SMARCC1: variants seen among roughly 807,000 people sequenced by gnomAD.
SMARCC1 encodes SWI/SNF complex subunit SMARCC1.
Under a neutral mutation model 147.4 loss-of-function variants are expected in SMARCC1, and 43 were observed. The observed-to-expected ratio is 0.29, with a 90% CI of 0.23 to 0.38. SMARCC1 has a LOEUF of 0.38. Ranked by LOEUF, SMARCC1 falls within the 10% of genes least tolerant of loss-of-function variation. SMARCC1 has a pLI of 1.00. For missense variants in SMARCC1, 1,119 were observed against 1,381.1 expected, an observed-to-expected ratio of 0.81 and a Z score of 3.01; for synonymous variants, 495 against 484.4, an observed-to-expected ratio of 1.02 and a Z score of -0.29.
rs780131969 is a variant in SMARCC1 at position 47,720,719 on chromosome 3, C to T, written c.663G>A (p.Pro221=). 5.0e-6 allele frequency: 8 copies of T among 1,610,956 alleles called. No homozygotes were observed. The highest frequency in any genetic ancestry group is 3.3e-5 in the South Asian group (3 of 90,648). Residue 221 remains proline (P), a synonymous_variant, in exon 7 of 28, where the codon CCG becomes CCA. Transcript: ENST00000254480. Reference sequence around the variant, plus strand: ...ACACTTGCTTCTCTTTTCTCATCACCGGTCTCAACCATTCTTCTGGAAGAG... The same window carrying T: ...ACACTTGCTTCTCTTTTCTCATCACTGGTCTCAACCATTCTTCTGGAAGAG... ...SSQDDEEWLR[P]VMRKEKQVLV... is the part of the protein sequence containing the mutation.
chr3:47,726,083 G>GAAAAAAAAAAAAAAA (rs2034296990), intron 6 of SMARCC1, among the ~76,000 whole-genome samples: 1 of 55,814 alleles, frequency 1.8e-5, no homozygotes, highest in South Asian at 5.2e-4. Context: ...AAAAAAAAAG[G>GAAAAAAAAAAAAAAA]TGAATTTCAT....
chr3:47,612,826 G>A (rs2032582197), intron 25 of SMARCC1, among the ~76,000 whole-genome samples: 1 of 152,180 alleles, frequency 6.6e-6, no homozygotes, highest in African/African-American at 2.4e-5. Flanking sequence ...AAGTTCCAAT[G>A]TGGGGCCAAA....
intron 19 of SMARCC1, among the ~76,000 whole-genome samples, chr3:47,668,374 T>C (rs1434681139): frequency 1.3e-5 from 2 of 152,226 alleles, no homozygotes; most frequent in Non-Finnish European, 2.9e-5. Flanking sequence ...AAAACGTTAA[T>C]ATAAAACCTT....
intron 24 of SMARCC1, among the ~76,000 whole-genome samples, chr3:47,626,308 G>A (rs539244806): frequency 4.0e-4 from 60 of 151,748 alleles, no homozygotes; most frequent in Admixed American, 1.6e-3. Flanking sequence ...CACCAAGCCC[G>A]GCTAATTTTT....
intron 1 of SMARCC1, among the ~76,000 whole-genome samples, chr3:47,779,650 C>T (rs538768733): frequency 6.6e-6 from 1 of 152,190 alleles, no homozygotes; most frequent in Non-Finnish European, 1.5e-5. Context: ...AGCCACTTCC[C>T]TACCCACCCA....
chr3:47,603,737 G>A, intron 26 of SMARCC1: 1 of 276,854 alleles, frequency 3.6e-6, no homozygotes, highest in Non-Finnish European at 7.1e-6. Flanking sequence ...ATGCAATGCT[G>A]TGTATTTCAT....
intron 12 of SMARCC1, 70 bp downstream of exon 12, chr3:47,693,171 T>C (rs373461176): frequency 1.8e-4 from 159 of 907,674 alleles, no homozygotes; most frequent in East Asian, 5.5e-4. Context: ...CTTGGAAGAA[T>C]AGACTATCAA....
chr3:47,761,045 A>AGG (rs1193354737), intron 2 of SMARCC1, among the ~76,000 whole-genome samples: 18 of 152,076 alleles, frequency 1.2e-4, no homozygotes, highest in Non-Finnish European at 2.2e-4. Context: ...AGACAGGAGA[A>AGG]TGGCTTGAAC....
chr3:47,629,144 TC>T (rs2032852756), intron 24 of SMARCC1, among the ~76,000 whole-genome samples: 1 of 152,210 alleles, frequency 6.6e-6, no homozygotes, highest in South Asian at 2.1e-4. Flanking sequence ...CTGCTCTGTG[TC>T]TCCAATTCAA....
intron 18 of SMARCC1, among the ~76,000 whole-genome samples, chr3:47,673,396 G>GGC (rs1553682245): frequency 6.8e-5 from 2 of 29,386 alleles, no homozygotes; most frequent in Admixed American, 4.3e-4. Context: ...AAAAAAAAAA[G>GGC]GGTGGGGGGG....
chr3:47,636,807 T>C (rs1240955352), intron 22 of SMARCC1, among the ~76,000 whole-genome samples: 3 of 149,548 alleles, frequency 2.0e-5, no homozygotes, highest in Non-Finnish European at 4.4e-5. Flanking sequence ...TGTGTGTGTG[T>C]GTGTGTGTGT....
At chr3:47,640,455 G>A (rs541498494) in intron 21 of SMARCC1, among the ~76,000 whole-genome samples, 138 of 152,128 alleles carry the variant, frequency 9.1e-4, no homozygotes, top group African/African-American at 3.2e-3. Flanking sequence ...AATATATTCT[G>A]AAAAACTTTA....
chr3:47,692,897 A>G (rs1327771905), intron 12 of SMARCC1, among the ~76,000 whole-genome samples: 1 of 152,190 alleles, frequency 6.6e-6, no homozygotes, highest in African/African-American at 2.4e-5. Context: ...GCAAGCCTGT[A>G]ATCCTAGCTA....
chr3:47,597,334 ATTTTATT>A (rs955082924), intron 26 of SMARCC1, among the ~76,000 whole-genome samples: 29 of 151,746 alleles, frequency 1.9e-4, no homozygotes, highest in African/African-American at 5.1e-4. Context: ...TTATTTATTT[ATTTTATT>A]TTTTATTTTT....
At chr3:47,599,784 G>A (rs546765055) in intron 26 of SMARCC1, among the ~76,000 whole-genome samples, 48 of 152,288 alleles carry the variant, frequency 3.2e-4, no homozygotes, top group Non-Finnish European at 5.7e-4. Flanking sequence ...TTCTGAACCC[G>A]CAATTCAGAA....
intron 7 of SMARCC1, among the ~76,000 whole-genome samples, chr3:47,716,564 T>A (rs2034159218): frequency 6.6e-6 from 1 of 152,174 alleles, no homozygotes; most frequent in Non-Finnish European, 1.5e-5. Flanking sequence ...CTGAGCCAGC[T>A]GCCACATCTT....
chr3:47,676,379 A>C (rs1041275623), intron 17 of SMARCC1, among the ~76,000 whole-genome samples: 2 of 152,182 alleles, frequency 1.3e-5, no homozygotes, highest in Non-Finnish European at 2.9e-5. Flanking sequence ...TTATGCATAT[A>C]AAAGTAAATT....
chr3:47,626,649 G>C (rs2032815259), intron 24 of SMARCC1, among the ~76,000 whole-genome samples: 3 of 152,102 alleles, frequency 2.0e-5, no homozygotes, highest in Admixed American at 2.0e-4. Flanking sequence ...AGGGACTTGT[G>C]GTAGATTAAA....
chr3:47,686,036 GT>G lies in SMARCC1; in HGVS notation c.1385+12del. The stretch of plus-strand genomic sequence containing the variant: ...CTCAGTACCATGCTCACAGATGGAA[GT>G]GGTCCACTCACCAGTTATAATCAAA... On this transcript the variant is annotated intron_variant, in intron 14 of 27. Transcript: ENST00000254480. 6.2e-7 allele frequency: 1 copy of G among 1,611,944 alleles called. No homozygotes were observed. The highest frequency in any genetic ancestry group is 8.5e-7 in the Non-Finnish European group (1 of 1,178,536).
Sources: gnomAD v4.1 joint callset for allele counts (sites outside exome capture counted in the v4.1 genomes callset) on GRCh38, gnomAD v4.1.1 for gene constraint, MANE v1.5 for transcripts, NCBI Gene and HGNC (gene_info 2026-07-23, HGNC 2026-07-21) for gene names.